RABGAP1L: variants seen among roughly 807,000 people sequenced by gnomAD.
RABGAP1L encodes RAB GTPase activating protein 1 like, also known as rab GTPase-activating protein 1-like.
RABGAP1L carries 63 observed loss-of-function variants against 137.7 expected under a neutral mutation model. That is an observed-to-expected ratio of 0.46 (90% CI 0.37 to 0.56). The LOEUF (loss-of-function observed/expected upper bound fraction) is 0.56, where lower values mean the gene tolerates loss of function less well. Among genes scored for constraint, RABGAP1L ranks in the 20% least tolerant of loss-of-function variants. The probability of loss-of-function intolerance (pLI) is 0.00; values close to 1 mark genes in which losing one functional copy is unlikely to be tolerated. For synonymous variants in RABGAP1L, 431 were observed against 433.7 expected, an observed-to-expected ratio of 0.99 and a Z score of 0.08; for missense variants, 1,095 against 1,244.0, an observed-to-expected ratio of 0.88 and a Z score of 1.80.
rs898256692 is a variant in RABGAP1L, at chr1:174,721,269, G to C, written c.2169+19013G>C. ...AGGAACAAGAAGACGGCCATACATA[G>C]AAGCATGAAATGGTGTACTTTTTCA... On this transcript the variant is annotated intron_variant, in intron 17 of 25. Coordinates refer to ENST00000681986, the MANE Select transcript of RABGAP1L (RefSeq NM_001366446.1). Among the ~76,000 whole-genome samples, 6 of 152,356 alleles carry C rather than the reference G, an allele frequency of 3.9e-5. No homozygotes were observed. In the East Asian group the frequency reaches 1.2e-3, roughly 29 times the overall value.
intron 13 of RABGAP1L, among the ~76,000 whole-genome samples, chr1:174,507,158 C>T (rs914304344): frequency 6.6e-6 from 1 of 152,130 alleles, no homozygotes; most frequent in African/African-American, 2.4e-5. Flanking sequence ...CAATGTTCAC[C>T]TAAAATGAGT....
intron 19 of RABGAP1L, among the ~76,000 whole-genome samples, chr1:174,923,081 G>A (rs934019404): frequency 2.6e-5 from 4 of 151,492 alleles, no homozygotes; most frequent in Non-Finnish European, 4.4e-5. Context: ...CAAGGAGATT[G>A]AGGCTGCAGA....
At chr1:174,724,821 A>G (rs763509794) in intron 17 of RABGAP1L, among the ~76,000 whole-genome samples, 30 of 152,342 alleles carry the variant, frequency 2.0e-4, no homozygotes, top group African/African-American at 6.7e-4. Flanking sequence ...AAGGAAATCT[A>G]TTTTAGATTA....
At chr1:174,814,731 G>T (rs1298673054) in intron 19 of RABGAP1L, among the ~76,000 whole-genome samples, 3 of 149,336 alleles carry the variant, frequency 2.0e-5, no homozygotes, top group Admixed American at 6.7e-5. Flanking sequence ...GTCTCATTCT[G>T]TTGCCCAGGC....
chr1:174,697,889 TAAAAA>T (rs1165306148), intron 15 of RABGAP1L, among the ~76,000 whole-genome samples: 2 of 152,130 alleles, frequency 1.3e-5, no homozygotes, highest in African/African-American at 4.8e-5. Flanking sequence ...AACTCATAGA[TAAAAA>T]GAAAATAAGC....
chr1:174,363,714 A>G (rs61828642), intron 11 of RABGAP1L, among the ~76,000 whole-genome samples: 2,289 of 152,112 alleles, frequency 0.015, 19 homozygotes, highest in Non-Finnish European at 0.025. Flanking sequence ...ATATTGAGGT[A>G]TATTTCTTCT....
intron 13 of RABGAP1L, among the ~76,000 whole-genome samples, chr1:174,604,501 G>A (rs1670636447): frequency 6.6e-6 from 1 of 152,170 alleles, no homozygotes; most frequent in South Asian, 2.1e-4. Context: ...GTTAAAACCA[G>A]GCACTGTGAT....
chr1:174,375,910 T>C (rs1287030668), intron 12 of RABGAP1L, among the ~76,000 whole-genome samples: 1 of 151,528 alleles, frequency 6.6e-6, no homozygotes, highest in Non-Finnish European at 1.5e-5. Flanking sequence ...ACTAAAAATA[T>C]CAAAAAAATT....
chr1:174,378,395 C>T (rs1194478389), intron 12 of RABGAP1L, among the ~76,000 whole-genome samples: 1 of 149,882 alleles, frequency 6.7e-6, no homozygotes, highest in African/African-American at 2.4e-5. Context: ...AGTTTACAGT[C>T]CCACCAACAG....
At chr1:174,644,377 G>A (rs1225087090) in intron 14 of RABGAP1L, among the ~76,000 whole-genome samples, 1 of 151,862 alleles carries the variant, frequency 6.6e-6, no homozygotes, top group African/African-American at 2.4e-5. Context: ...ACTCTTACTA[G>A]GATACAGAAG....
At chr1:174,946,900 C>CAAAAA (rs1177949233) in intron 19 of RABGAP1L, among the ~76,000 whole-genome samples, 2 of 21,396 alleles carry the variant, frequency 9.3e-5, no homozygotes, top group African/African-American at 3.0e-4. Context: ...GACTCCATCT[C>CAAAAA]AAAAAAAAAA....
intron 19 of RABGAP1L, among the ~76,000 whole-genome samples, chr1:174,945,024 T>C (rs1470175334): frequency 6.6e-6 from 1 of 152,224 alleles, no homozygotes; most frequent in Non-Finnish European, 1.5e-5. Context: ...AGTACTATGA[T>C]AATGAAGTTA....
At chr1:174,240,365 G>T (rs1056386176) in intron 4 of RABGAP1L, among the ~76,000 whole-genome samples, 3 of 152,148 alleles carry the variant, frequency 2.0e-5, no homozygotes, top group Non-Finnish European at 4.4e-5. Flanking sequence ...TCATACCTCG[G>T]CCTCCTGAAT....
At chr1:174,900,962 C>A (rs1322557168) in intron 19 of RABGAP1L, among the ~76,000 whole-genome samples, 2 of 151,968 alleles carry the variant, frequency 1.3e-5, no homozygotes, top group Non-Finnish European at 2.9e-5. Context: ...TTTACATAAT[C>A]CCATATTTCT....
intron 19 of RABGAP1L, among the ~76,000 whole-genome samples, chr1:174,904,163 A>G (rs1658635272): frequency 1.3e-5 from 2 of 152,130 alleles, no homozygotes; most frequent in Admixed American, 1.3e-4. Flanking sequence ...TCTGCCTGGC[A>G]ATAAGCTTGA....
At chr1:174,723,563 G>A (rs1681752069) in intron 17 of RABGAP1L, among the ~76,000 whole-genome samples, 2 of 152,224 alleles carry the variant, frequency 1.3e-5, no homozygotes, top group African/African-American at 4.8e-5. Context: ...TATAATAAAT[G>A]AGTGAAGTCT....
chr1:174,246,208 T>G (rs370178334), intron 5 of RABGAP1L: 1 of 152,160 alleles, frequency 6.6e-6, no homozygotes, highest in African/African-American at 2.4e-5. Flanking sequence ...CTACATGTGC[T>G]CTCCTCCCTG....
At chr1:174,763,960 T>C (rs1685465366) in intron 18 of RABGAP1L, among the ~76,000 whole-genome samples, 1 of 152,136 alleles carries the variant, frequency 6.6e-6, no homozygotes, top group Non-Finnish European at 1.5e-5. Context: ...AGTAGCCACT[T>C]CCCATTTCCC....
At chr1:174,273,576 G>A (rs1432910048) in intron 8 of RABGAP1L, among the ~76,000 whole-genome samples, 1 of 150,908 alleles carries the variant, frequency 6.6e-6, no homozygotes, top group Non-Finnish European at 1.5e-5. Context: ...CCACATATCA[G>A]TAATGAAAGT....
Sources: gnomAD v4.1 joint callset for allele counts (sites outside exome capture counted in the v4.1 genomes callset) on GRCh38, gnomAD v4.1.1 for gene constraint, MANE v1.5 for transcripts, NCBI Gene and HGNC (gene_info 2026-07-23, HGNC 2026-07-21) for gene names.